Variants in CMIP observed in about 807,000 individuals in gnomAD.
CMIP encodes c-Maf inducing protein, also known as C-Maf-inducing protein.
CMIP carries 13 observed loss-of-function variants against 97.3 expected under a neutral mutation model. That is an observed-to-expected ratio of 0.13 (90% CI 0.09 to 0.21). The LOEUF (loss-of-function observed/expected upper bound fraction) is 0.21, where lower values mean the gene tolerates loss of function less well. Among genes scored for constraint, CMIP ranks in the 10% least tolerant of loss-of-function variants. The probability of loss-of-function intolerance (pLI) is 1.00; values close to 1 mark genes in which losing one functional copy is unlikely to be tolerated. For missense variants in CMIP, 847 were observed against 1,024.9 expected (o/e 0.83, Z 2.37); for synonymous variants, 538 against 436.3 (o/e 1.23, Z -2.91).
At chr16:81,651,335 T>G in intron 3 of CMIP, 1 of 676,732 alleles carries the variant, frequency 1.5e-6, no homozygotes, top group Non-Finnish European at 1.8e-6. Flanking sequence ...TTCCATGATG[T>G]CAGAGAGGCG....
intron 1 of CMIP, among the ~76,000 whole-genome samples, chr16:81,584,590 C>A (rs753538781): frequency 6.6e-6 from 1 of 152,142 alleles, no homozygotes; most frequent in African/African-American, 2.4e-5. Context: ...TAAGAGTGTG[C>A]CCGTGTAGAT....
At chr16:81,675,900 G>C (rs2151051143) in intron 9 of CMIP, among the ~76,000 whole-genome samples, 1 of 152,342 alleles carries the variant, frequency 6.6e-6, no homozygotes, top group Admixed American at 6.5e-5. Context: ...CAAGCTCCCA[G>C]GCGAAGCTGC....
At chr16:81,577,679 A>C (rs1416075055) in intron 1 of CMIP, among the ~76,000 whole-genome samples, 1 of 151,258 alleles carries the variant, frequency 6.6e-6, no homozygotes, top group Non-Finnish European at 1.5e-5. Context: ...CCCCATTACC[A>C]CTACATTATT....
intron 1 of CMIP, among the ~76,000 whole-genome samples, chr16:81,483,279 G>A (rs1281220459): frequency 2.0e-5 from 3 of 152,144 alleles, no homozygotes; most frequent in African/African-American, 7.2e-5. Flanking sequence ...GGAGGTAAAG[G>A]AGCCATCCAC....
At chr16:81,603,472 G>T (rs921282646) in intron 1 of CMIP, 5 of 454,354 alleles carry the variant, frequency 1.1e-5, no homozygotes, top group South Asian at 7.8e-5. Flanking sequence ...TCACACATCC[G>T]CAGTCTGCTT....
chr16:81,564,560 C>T (rs1373748445), intron 1 of CMIP, among the ~76,000 whole-genome samples: 1 of 152,210 alleles, frequency 6.6e-6, no homozygotes, highest in South Asian at 2.1e-4. Context: ...TGGCCTCTGC[C>T]AGCAGCCGGG....
chr16:81,566,586 G>A (rs1203263807), intron 1 of CMIP, among the ~76,000 whole-genome samples: 2 of 152,192 alleles, frequency 1.3e-5, no homozygotes, highest in African/African-American at 4.8e-5. Context: ...TGCTTACCAG[G>A]TCTTGGCAGG....
chr16:81,686,316 G>T (rs901778595), intron 10 of CMIP, among the ~76,000 whole-genome samples: 1 of 152,194 alleles, frequency 6.6e-6, no homozygotes, highest in African/African-American at 2.4e-5. Context: ...GAATACGGGG[G>T]CATAAAGGGG....
At chr16:81,493,394 C>T (rs1438875401) in intron 1 of CMIP, among the ~76,000 whole-genome samples, 1 of 151,858 alleles carries the variant, frequency 6.6e-6, no homozygotes, top group Non-Finnish European at 1.5e-5. Context: ...TACCTGTTGT[C>T]TGGACCATAA....
At chr16:81,566,732 C>T (rs538307813) in intron 1 of CMIP, among the ~76,000 whole-genome samples, 3 of 152,166 alleles carry the variant, frequency 2.0e-5, no homozygotes, top group African/African-American at 4.8e-5. Context: ...TCATAGTAGC[C>T]TCCAACTAGA....
intron 1 of CMIP, among the ~76,000 whole-genome samples, chr16:81,449,669 T>C (rs1268783956): frequency 2.3e-4 from 33 of 144,896 alleles, no homozygotes; most frequent in African/African-American, 4.7e-4. Context: ...CACACAGATT[T>C]CCCCCCCCCC....
intron 1 of CMIP, among the ~76,000 whole-genome samples, chr16:81,599,345 T>C (rs1005921465): frequency 1.3e-5 from 2 of 152,210 alleles, no homozygotes; most frequent in Non-Finnish European, 2.9e-5. Context: ...GATCATATCG[T>C]TACCTGCCAC....
chr16:81,625,570 A>T (rs1213150427), intron 3 of CMIP, among the ~76,000 whole-genome samples: 1 of 152,162 alleles, frequency 6.6e-6, no homozygotes, highest in Non-Finnish European at 1.5e-5. Context: ...CTGTGAGGGG[A>T]CCGTGTGTGT....
At chr16:81,643,871 A>T (rs775786275) in intron 3 of CMIP, among the ~76,000 whole-genome samples, 1 of 152,146 alleles carries the variant, frequency 6.6e-6, no homozygotes, top group Non-Finnish European at 1.5e-5. Context: ...ATCTATATGT[A>T]TGTGTATATA....
At chr16:81,451,619 A>G (rs371434200) in intron 1 of CMIP, among the ~76,000 whole-genome samples, 1 of 152,120 alleles carries the variant, frequency 6.6e-6, no homozygotes, top group African/African-American at 2.4e-5. Context: ...TGCTACCTGG[A>G]GTCATGCTTT....
At chr16:81,675,840 G>T (rs1422713119) in intron 9 of CMIP, among the ~76,000 whole-genome samples, 1 of 152,226 alleles carries the variant, frequency 6.6e-6, no homozygotes, top group Non-Finnish European at 1.5e-5. Context: ...TTAAAATGCA[G>T]ATTTGGATTC....
chr16:81,576,985 C>T (rs551909470), intron 1 of CMIP, among the ~76,000 whole-genome samples: 7 of 148,036 alleles, frequency 4.7e-5, no homozygotes, highest in African/African-American at 1.5e-4. Flanking sequence ...CTATTAGCAT[C>T]ACCACCAACA....
intron 1 of CMIP, among the ~76,000 whole-genome samples, chr16:81,515,919 A>C (rs2089903617): frequency 6.6e-6 from 1 of 152,126 alleles, no homozygotes; most frequent in South Asian, 2.1e-4. Flanking sequence ...TGGCACCTGC[A>C]ACTCCTCCGT....
intron 1 of CMIP, among the ~76,000 whole-genome samples, chr16:81,468,505 G>T (rs185446867): frequency 6.6e-6 from 1 of 152,282 alleles, no homozygotes; most frequent in African/African-American, 2.4e-5. Flanking sequence ...TCTCGCAGGG[G>T]CCTGCGCGTG....
Sources: allele counts gnomAD v4.1 joint callset (sites outside exome capture counted in the v4.1 genomes callset), GRCh38; gene constraint gnomAD v4.1.1; transcripts MANE v1.5; gene names NCBI Gene and HGNC (gene_info 2026-07-23, HGNC 2026-07-21).